The following MLC1 variants were observed in gnomAD, a reference collection of about 807,000 sequenced individuals.
MLC1 encodes the protein modulator of VRAC current 1, also known as membrane protein MLC1.
A neutral mutation model predicts 44.7 loss-of-function variants in MLC1; 32 were observed. That is an observed-to-expected ratio of 0.72 (90% CI 0.54 to 0.96). MLC1 has a LOEUF of 0.96. MLC1 is among the 40% of genes least tolerant of loss of function. The probability of loss-of-function intolerance (pLI) is 0.00; values close to 1 mark genes in which losing one functional copy is unlikely to be tolerated. For missense variants in MLC1, 459 were observed against 492.2 expected (o/e 0.93, Z 0.64); for synonymous variants, 190 against 213.0 (o/e 0.89, Z 0.94).
At chr22:50,070,457 G>A (rs1231766560) in intron 9 of MLC1, 70 bp downstream of exon 9, 4 of 1,410,646 alleles carry the variant, frequency 2.8e-6, no homozygotes. Context: ...ATGGCACCAA[G>A]GGAGGGCTAG....
rs891865221 is a variant in MLC1, at chr22:50,059,423, G to C, written c.*2160C>G. On this transcript the variant is annotated 3_prime_UTR_variant, in exon 12 of 12. Transcript: ENST00000311597. ...GCAAGTCAGCGTTTATTGCTCAAGC[G>C]TATTAAACAAAAATGTAGACTGAAA... 2 of 152,310 alleles carry C rather than the reference G, an allele frequency of 1.3e-5. No homozygotes were observed. The highest frequency in any genetic ancestry group is 1.9e-4 in the East Asian group (1 of 5,330). 9.4% of individuals were successfully genotyped at this position (152,310 alleles called of 1,614,324 possible). A position where few individuals can be genotyped will look rare whatever the true frequency, so the allele number is the denominator to read the frequency against.
At chr22:50,067,370 GTGACTCCATCCCCCGTCAGA>G in intron 10 of MLC1, among the ~76,000 whole-genome samples, 4 of 135,288 alleles carry the variant, frequency 3.0e-5, no homozygotes, top group Non-Finnish European at 4.7e-5. Flanking sequence ...CCGTCAGACA[GTGACTCCATCCCCCGTCAGA>G]CAGTGACTCC....
chr22:50,074,963 G>A lies in MLC1; in HGVS notation c.598-631C>T, dbSNP rs566503217. ...CTGCTGCTCGAGGCACCTGCCGGTTGGAGAGCCCTGCTATACTGCCACTGC... is the reference window on the plus strand; with the variant it reads ...CTGCTGCTCGAGGCACCTGCCGGTTAGAGAGCCCTGCTATACTGCCACTGC... On this transcript the variant is annotated intron_variant, in intron 7 of 11. Transcript: ENST00000311597. Among the ~76,000 whole-genome samples the A allele has an allele frequency of 1.7e-3, 256 of 152,350 alleles. 1 individual carries two copies. Among genetic ancestry groups the A allele is most frequent in the African/African-American group, 6.0e-3 (248 of 41,580 alleles).
chr22:50,077,766 T>C lies in MLC1; in HGVS notation c.424-264A>G, dbSNP rs137926. ...GCCAGGGCTGGATTTGGCCTTGGGC[T>C]CTGGTCTACCGACCCCATTCTGAAC... On this transcript the variant is annotated intron_variant, in intron 5 of 11. Transcript: ENST00000311597. Among the ~76,000 whole-genome samples, 20,030 of 152,264 alleles carry C rather than the reference T, an allele frequency of 0.13. 1,642 individuals are homozygous for C. The highest frequency in any genetic ancestry group is 0.23 in the East Asian group (1,210 of 5,172).
chr22:50,062,903 A>G (rs1050005936), intron 11 of MLC1, among the ~76,000 whole-genome samples: 1 of 152,176 alleles, frequency 6.6e-6, no homozygotes, highest in African/African-American at 2.4e-5. Context: ...GGGCAGCAAG[A>G]CAGTAGGCAG....
rs1353042038 is a variant in MLC1, at chr22:50,083,850, CG to C, written c.178-678del. On this transcript the variant is annotated intron_variant, in intron 2 of 11. Coordinates refer to ENST00000311597, the MANE Select transcript of MLC1 (RefSeq NM_015166.4). This position sits in a 1 kb window ranked among gnomAD's most constrained non-coding sequence, Gnocchi z 4.6. ...TGGGGCAGAGGGGATCTGGCCTGGG[CG>C]GGGGAGGGGCTGCGACCAAGTCCAG... Among the ~76,000 whole-genome samples the C allele has an allele frequency of 6.6e-6, 1 of 151,692 alleles. No homozygotes were observed. The highest frequency in any genetic ancestry group is 1.5e-5 in the Non-Finnish European group (1 of 67,938).
At chr22:50,074,691 T>C (rs1390285010) in intron 7 of MLC1, 1 of 340,418 alleles carries the variant, frequency 2.9e-6, no homozygotes, top group East Asian at 7.2e-5. Flanking sequence ...GCTCAGACCC[T>C]GGACCCCATC....
intron 5 of MLC1, among the ~76,000 whole-genome samples, chr22:50,078,171 T>C (rs2062029652): frequency 6.6e-6 from 1 of 151,964 alleles, no homozygotes; most frequent in South Asian, 2.1e-4. Flanking sequence ...TTTGTATTTT[T>C]AGTAGAGAGG....
intron 11 of MLC1, among the ~76,000 whole-genome samples, chr22:50,062,289 C>A: frequency 7.1e-6 from 1 of 140,658 alleles, no homozygotes; most frequent in Non-Finnish European, 1.6e-5. Flanking sequence ...CCCCAGCCGT[C>A]CATCCTGAGC....
chr22:50,061,217 G>C lies in MLC1; in HGVS notation c.*366C>G, dbSNP rs1020297383. ...GGGACCCACAGTCTGGTCAGGTCCA[G>C]AGAGCCCACTCCAGCCCAAGCCATG... On this transcript the variant is annotated 3_prime_UTR_variant, in exon 12 of 12. Coordinates refer to ENST00000311597, the MANE Select transcript of MLC1 (RefSeq NM_015166.4). The C allele has an allele frequency of 3.2e-5, 12 of 373,640 alleles. No homozygotes were observed. The highest frequency in any genetic ancestry group is 4.1e-5 in the Non-Finnish European group (8 of 195,010). 23.1% of individuals were successfully genotyped at this position (373,640 alleles called of 1,614,324 possible).
At chr22:50,069,840 A>G (rs557133762) in intron 9 of MLC1, among the ~76,000 whole-genome samples, 27 of 152,112 alleles carry the variant, frequency 1.8e-4, no homozygotes, top group Non-Finnish European at 3.7e-4. Context: ...CACCTTGCAA[A>G]GCACTCAGGG....
At chr22:50,062,621 C>T (rs1195512866) in intron 11 of MLC1, among the ~76,000 whole-genome samples, 1 of 152,262 alleles carries the variant, frequency 6.6e-6, no homozygotes, top group African/African-American at 2.4e-5. Context: ...GCACTGGAGG[C>T]TCTGCACCAA....
intron 5 of MLC1, among the ~76,000 whole-genome samples, chr22:50,078,753 G>A (rs2062044841): frequency 6.6e-6 from 1 of 150,686 alleles, no homozygotes; most frequent in Non-Finnish European, 1.5e-5. Flanking sequence ...AAAAAAAAAT[G>A]ACAGATCAAA....
At chr22:50,072,101 G>A (rs2033367684) in intron 8 of MLC1, among the ~76,000 whole-genome samples, 1 of 152,248 alleles carries the variant, frequency 6.6e-6, no homozygotes, top group South Asian at 2.1e-4. Context: ...CCTTCTAGCT[G>A]TAAGCAGCAG....
At chr22:50,063,828 A>C in intron 11 of MLC1, among the ~76,000 whole-genome samples, 4 of 119,688 alleles carry the variant, frequency 3.3e-5, no homozygotes, top group South Asian at 2.9e-4. Context: ...CAGGCCACTC[A>C]CCTCCCCGGC....
rs1411519679 is a variant in MLC1 at position 50,083,681 on chromosome 22, A to T, written c.178-508T>A. ...GGGAAGACCCTAGCAGGAGGCAGGG[A>T]GGGTGCTCTCTCTCACGCACAGCAC... is the stretch of plus-strand genomic sequence containing the variant. On this transcript the variant is annotated intron_variant, in intron 2 of 11. Coordinates refer to ENST00000311597, the MANE Select transcript of MLC1 (RefSeq NM_015166.4). This position sits in a 1 kb window ranked among gnomAD's most constrained non-coding sequence, Gnocchi z 4.6. Among the ~76,000 whole-genome samples the T allele has an allele frequency of 2.8e-4, 42 of 152,148 alleles. No individual in the cohort carries two copies. Among genetic ancestry groups the T allele is most frequent in the Admixed American group, 2.7e-3 (42 of 15,284 alleles).
rs199835871 is a variant in MLC1, at chr22:50,076,797, C to T, written c.597+44G>A. 220 of 1,595,918 alleles carry T rather than the reference C, an allele frequency of 1.4e-4. 1 individual carries two copies. The African/African-American group carries it at 1.6e-3, about 12-fold the overall frequency. On this transcript the variant is annotated intron_variant, in intron 7 of 11. Coordinates refer to ENST00000311597, the MANE Select transcript of MLC1 (RefSeq NM_015166.4). ...CGTTTAATCCAGCCTCAGTCACCCC[C>T]GACAGAGTATGAGAGAAAAGAGAAA... is the stretch of plus-strand genomic sequence containing the variant.
rs1186364376 is a variant in MLC1 at position 50,063,472 on chromosome 22, CA to C, written c.1059+561del. On this transcript the variant is annotated intron_variant, in intron 11 of 11. Coordinates refer to ENST00000311597, the MANE Select transcript of MLC1 (RefSeq NM_015166.4). ...TGGGTGACAGACTGAGACTCCTTCT[CA>C]AAAAAAAAAAAAAAAAAGAAAAGAA... is the stretch of plus-strand genomic sequence containing the variant. Among the ~76,000 whole-genome samples the C allele has an allele frequency of 7.0e-3, 554 of 79,560 alleles. 2 individuals are homozygous for C. The highest frequency in any genetic ancestry group is 0.02 in the African/African-American group (394 of 19,772). The allele number at this position is 79,560 out of a possible 152,430, so 52.2% of individuals were successfully genotyped here.
At chr22:50,072,213 C>T (rs1345989314) in intron 8 of MLC1, among the ~76,000 whole-genome samples, 1 of 152,210 alleles carries the variant, frequency 6.6e-6, no homozygotes, top group Non-Finnish European at 1.5e-5. Flanking sequence ...ATGGCCACTC[C>T]GGCCCCTGCC....
Sources: gnomAD v4.1 joint callset for allele counts (sites outside exome capture counted in the v4.1 genomes callset) on GRCh38, gnomAD v4.1.1 for gene constraint, Gnocchi (gnomAD v3.1) non-coding constraint, MANE v1.5 for transcripts, NCBI Gene and HGNC (gene_info 2026-07-23, HGNC 2026-07-21) for gene names.